The following GDPD5 variants were observed in gnomAD, a reference collection of about 807,000 sequenced individuals.
GDPD5 encodes glycerophosphodiester phosphodiesterase domain containing 5, also known as glycerophosphodiester phosphodiesterase 2.
Under a neutral mutation model 75.1 loss-of-function variants are expected in GDPD5, and 48 were observed. The observed-to-expected ratio is 0.64, with a 90% CI of 0.51 to 0.81. The LOEUF is 0.81. GDPD5 is among the 40% of genes least tolerant of loss of function. The pLI, the probability that GDPD5 is intolerant of heterozygous loss-of-function variation, is 0.00. For synonymous variants in GDPD5, 336 were observed against 339.0 expected (o/e 0.99, Z 0.10); for missense variants, 706 against 822.6 (o/e 0.86, Z 1.73).
At chr11:75,485,990 G>C (rs1044414169) in intron 2 of GDPD5, among the ~76,000 whole-genome samples, 11 of 152,192 alleles carry the variant, frequency 7.2e-5, no homozygotes, top group Non-Finnish European at 1.3e-4. Flanking sequence ...CCCCAGCCCA[G>C]CCCTGGGATG....
intron 2 of GDPD5, among the ~76,000 whole-genome samples, chr11:75,480,722 C>T (rs556375047): frequency 6.6e-6 from 1 of 152,308 alleles, no homozygotes; most frequent in African/African-American, 2.4e-5. Flanking sequence ...CTTGCTCTAA[C>T]CCATGGGCCT....
intron 1 of GDPD5, among the ~76,000 whole-genome samples, chr11:75,501,751 G>A (rs1950309040): frequency 6.6e-6 from 1 of 152,142 alleles, no homozygotes; most frequent in Non-Finnish European, 1.5e-5. Context: ...GGGGGCAGAG[G>A]AGGAGGCCAC....
At chr11:75,449,723 A>G in intron 7 of GDPD5, 113 bp from the exon 8 acceptor site, 2 of 1,260,916 alleles carry the variant, frequency 1.6e-6, no homozygotes, top group Non-Finnish European at 2.3e-6. Flanking sequence ...CCATCTGCCA[A>G]CTGGGGACAC....
At chr11:75,462,994 G>C (rs1413480147) in intron 3 of GDPD5, 105 bp from the exon 4 acceptor site, 4 of 874,638 alleles carry the variant, frequency 4.6e-6, no homozygotes, top group Non-Finnish European at 7.3e-6. Context: ...AGCCAAACCT[G>C]CCAGGCAGGA....
chr11:75,444,850 C>A (rs1315051852), intron 9 of GDPD5, among the ~76,000 whole-genome samples: 1 of 152,034 alleles, frequency 6.6e-6, no homozygotes, highest in African/African-American at 2.4e-5. Context: ...GGCTGGAGGG[C>A]TTTTTTACAG....
chr11:75,525,156 G>C (rs1007648605), intron 1 of GDPD5, 54 bp downstream of exon 1: 1 of 152,266 alleles, frequency 6.6e-6, no homozygotes, highest in Admixed American at 6.5e-5. Context: ...GCTGGCCCCC[G>C]CGCTGCCGCG....
chr11:75,509,766 G>A (rs1481565537), intron 1 of GDPD5, among the ~76,000 whole-genome samples: 2 of 152,078 alleles, frequency 1.3e-5, no homozygotes, highest in Admixed American at 1.3e-4. Flanking sequence ...TGCAATCTCC[G>A]CCTCCTGGGT....
chr11:75,488,138 T>C (rs1247889595), intron 2 of GDPD5, among the ~76,000 whole-genome samples: 1 of 151,724 alleles, frequency 6.6e-6, no homozygotes, highest in Admixed American at 6.6e-5. Flanking sequence ...GACAGGCCTC[T>C]CCCCTCCCTG....
chr11:75,444,828 G>T (rs1948946145), intron 9 of GDPD5, among the ~76,000 whole-genome samples: 1 of 152,160 alleles, frequency 6.6e-6, no homozygotes. Context: ...CAGGCACTGA[G>T]CTAGACACTG....
intron 14 of GDPD5, among the ~76,000 whole-genome samples, chr11:75,440,457 T>C (rs1054922542): frequency 3.9e-5 from 6 of 152,250 alleles, no homozygotes; most frequent in Admixed American, 1.3e-4. Flanking sequence ...GCCTTCTGCA[T>C]GCTCAGGGTG....
intron 2 of GDPD5, among the ~76,000 whole-genome samples, chr11:75,488,089 G>C (rs1950048443): frequency 1.3e-5 from 2 of 152,102 alleles, no homozygotes; most frequent in South Asian, 4.2e-4. Flanking sequence ...AGCCTCTCCA[G>C]ACCGGTCAGT....
At chr11:75,497,914 C>T (rs534929333) in intron 1 of GDPD5, among the ~76,000 whole-genome samples, 23 of 152,194 alleles carry the variant, frequency 1.5e-4, no homozygotes, top group Non-Finnish European at 2.4e-4. Flanking sequence ...GCATCCACTG[C>T]GTCAAGCAGG....
chr11:75,490,910 C>T (rs1950096523), intron 1 of GDPD5, among the ~76,000 whole-genome samples: 1 of 152,168 alleles, frequency 6.6e-6, no homozygotes, highest in Non-Finnish European at 1.5e-5. Flanking sequence ...CAACAGGCCA[C>T]GGGAAGCAGA....
chr11:75,444,309 C>A, intron 10 of GDPD5, 104 bp downstream of exon 10: 1 of 808,054 alleles, frequency 1.2e-6, no homozygotes. Context: ...TTCCTCCTCC[C>A]ATCTCAGAGG....
chr11:75,465,800 G>A (rs184276027), intron 3 of GDPD5, among the ~76,000 whole-genome samples: 33 of 152,312 alleles, frequency 2.2e-4, no homozygotes, highest in Middle Eastern at 6.8e-3. Context: ...GGACCTAGGC[G>A]AGGGGTGAGC....
chr11:75,444,617 C>A, intron 9 of GDPD5, 122 bp from the exon 10 acceptor site: 1 of 724,076 alleles, frequency 1.4e-6, no homozygotes, highest in Non-Finnish European at 2.4e-6. Flanking sequence ...GGCCCCTCCA[C>A]AGAGTAGCTG....
intron 1 of GDPD5, among the ~76,000 whole-genome samples, chr11:75,496,669 C>T (rs187083962): frequency 6.6e-6 from 1 of 152,260 alleles, no homozygotes. Flanking sequence ...CCAACATTTA[C>T]AAGGGCTGGA....
At chr11:75,448,761 G>T in intron 9 of GDPD5, 2 of 1,221,166 alleles carry the variant, frequency 1.6e-6, no homozygotes, top group Non-Finnish European at 2.1e-6. Flanking sequence ...AGGGCACTTA[G>T]GACAAAACTG....
chr11:75,476,283 G>A (rs1949775787), intron 3 of GDPD5, among the ~76,000 whole-genome samples: 1 of 152,048 alleles, frequency 6.6e-6, no homozygotes, highest in Non-Finnish European at 1.5e-5. Context: ...GGAAGGACCT[G>A]TCTCAATGGC....
Sources: allele counts gnomAD v4.1 joint callset (sites outside exome capture counted in the v4.1 genomes callset), GRCh38; gene constraint gnomAD v4.1.1; transcripts MANE v1.5; gene names NCBI Gene and HGNC (gene_info 2026-07-23, HGNC 2026-07-21).